The following FSIP1 variants were observed in gnomAD, a reference collection of about 807,000 sequenced individuals.
FSIP1 encodes fibrous sheath-interacting protein 1.
In FSIP1, 65 loss-of-function variants were observed where a neutral mutation model predicts 60.9. The observed-to-expected ratio is 1.07, with a 90% CI of 0.87 to 1.31. The LOEUF (loss-of-function observed/expected upper bound fraction) is 1.31. Ranked by LOEUF, FSIP1 falls within the 40% of genes most tolerant of loss-of-function variation. The pLI, the probability that FSIP1 is intolerant of heterozygous loss-of-function variation, is 0.00. For synonymous variants in FSIP1, 209 were observed against 221.2 expected, an observed-to-expected ratio of 0.94 and a Z score of 0.49; for missense variants, 675 against 665.5, an observed-to-expected ratio of 1.01 and a Z score of -0.16.
intron 5 of FSIP1, among the ~76,000 whole-genome samples, chr15:39,744,923 G>C (rs887695331): frequency 4.6e-5 from 7 of 152,052 alleles, no homozygotes; most frequent in Middle Eastern, 3.2e-3. Flanking sequence ...TTCCACCAGA[G>C]AGGATGTGGC....
At chr15:39,632,084 G>C (rs1891915555) in intron 10 of FSIP1, among the ~76,000 whole-genome samples, 1 of 152,200 alleles carries the variant, frequency 6.6e-6, no homozygotes, top group Non-Finnish European at 1.5e-5. Context: ...GTTCAATGTG[G>C]TGGTTGTCGG....
chr15:39,769,285 A>AG (rs1897801767), intron 3 of FSIP1, among the ~76,000 whole-genome samples: 1 of 152,074 alleles, frequency 6.6e-6, no homozygotes, highest in African/African-American at 2.4e-5. Flanking sequence ...TCTCAAAAAA[A>AG]AAAAAAAAAG....
chr15:39,607,296 C>T (rs780673784), intron 11 of FSIP1, among the ~76,000 whole-genome samples: 11 of 152,148 alleles, frequency 7.2e-5, no homozygotes, highest in South Asian at 2.1e-4. Flanking sequence ...TGGGTGAGTA[C>T]GTTTATTTTA....
intron 3 of FSIP1, among the ~76,000 whole-genome samples, chr15:39,767,666 C>T (rs890157639): frequency 6.6e-6 from 1 of 152,198 alleles, no homozygotes; most frequent in Middle Eastern, 3.2e-3. Flanking sequence ...CAGAGGAACA[C>T]ACCAGCAGAC....
chr15:39,611,916 G>C (rs1249745615), intron 11 of FSIP1, among the ~76,000 whole-genome samples: 1 of 152,082 alleles, frequency 6.6e-6, no homozygotes, highest in Non-Finnish European at 1.5e-5. Flanking sequence ...TACACAAAGA[G>C]ACAAAGAAGG....
At chr15:39,767,041 G>C (rs781579245) in intron 3 of FSIP1, among the ~76,000 whole-genome samples, 1 of 151,924 alleles carries the variant, frequency 6.6e-6, no homozygotes, top group Non-Finnish European at 1.5e-5. Context: ...TAGAGATGGG[G>C]GTCTCACTAT....
Position 39,774,844 on chromosome 15 carries a change from G to A in FSIP1, c.126+1555C>T, listed in dbSNP as rs1264758025. Reference sequence around the variant, plus strand: ...AGCTTTGTGGTTCTGAGGGACTTGTGGCAGTGGCGGAAGCAGCAGCAGCAA... The same window carrying A: ...AGCTTTGTGGTTCTGAGGGACTTGTAGCAGTGGCGGAAGCAGCAGCAGCAA... On this transcript the variant is annotated intron_variant, in intron 2 of 11. Coordinates refer to ENST00000350221, the MANE Select transcript of FSIP1 (RefSeq NM_152597.5). Among the ~76,000 whole-genome samples the A allele has an allele frequency of 2.0e-5, 3 of 152,162 alleles. No individual in the cohort carries two copies. The East Asian group carries it at 5.8e-4, about 29-fold the overall frequency.
At chr15:39,691,631 G>T (rs1461506545) in intron 10 of FSIP1, among the ~76,000 whole-genome samples, 1 of 152,238 alleles carries the variant, frequency 6.6e-6, no homozygotes, top group Non-Finnish European at 1.5e-5. Context: ...AAAGAAGAGA[G>T]ATCCTGATAA....
intron 10 of FSIP1, among the ~76,000 whole-genome samples, chr15:39,625,955 T>A (rs1595544931): frequency 6.6e-6 from 1 of 152,178 alleles, no homozygotes; most frequent in Admixed American, 6.5e-5. Flanking sequence ...TTTGCATGGG[T>A]GAAGGCCTTC....
intron 8 of FSIP1, among the ~76,000 whole-genome samples, chr15:39,730,315 G>A (rs1267398322): frequency 2.0e-5 from 3 of 152,080 alleles, no homozygotes; most frequent in Non-Finnish European, 4.4e-5. Flanking sequence ...TAGAGGCTTG[G>A]GATTAAATAA....
intron 11 of FSIP1, 124 bp downstream of exon 11, chr15:39,617,611 T>G: frequency 1.3e-6 from 1 of 771,426 alleles, no homozygotes; most frequent in Non-Finnish European, 2.1e-6. Context: ...TTGCATACTC[T>G]TATTGACGCT....
chr15:39,713,630 T>C (rs1053313173), intron 9 of FSIP1, 49 bp from the exon 10 acceptor site: 1 of 1,544,244 alleles, frequency 6.5e-7, no homozygotes, highest in Admixed American at 2.1e-5. Flanking sequence ...GGAAATGTGC[T>C]GTCACATACC....
chr15:39,655,710 A>C (rs1399917732), intron 10 of FSIP1, among the ~76,000 whole-genome samples: 5 of 152,170 alleles, frequency 3.3e-5, no homozygotes, highest in Admixed American at 2.0e-4. Context: ...CAACCTAGAG[A>C]AACCCCATCC....
intron 8 of FSIP1, among the ~76,000 whole-genome samples, chr15:39,735,700 ATTTG>A (rs1184641220): frequency 1.3e-5 from 2 of 152,198 alleles, no homozygotes; most frequent in Non-Finnish European, 2.9e-5. Flanking sequence ...AAACTTTTAA[ATTTG>A]TTTAACTTTT....
At chr15:39,630,941 A>G (rs1428976378) in intron 10 of FSIP1, among the ~76,000 whole-genome samples, 1 of 152,170 alleles carries the variant, frequency 6.6e-6, no homozygotes, top group Non-Finnish European at 1.5e-5. Flanking sequence ...TGTATAAACA[A>G]GAATCCCTCA....
At chr15:39,697,688 T>C (rs904277473) in intron 10 of FSIP1, among the ~76,000 whole-genome samples, 1 of 152,208 alleles carries the variant, frequency 6.6e-6, no homozygotes, top group Non-Finnish European at 1.5e-5. Flanking sequence ...TAGATAGACA[T>C]TGTGAATAAT....
intron 11 of FSIP1, among the ~76,000 whole-genome samples, chr15:39,606,665 C>A (rs369532958): frequency 6.6e-6 from 1 of 152,190 alleles, no homozygotes; most frequent in Non-Finnish European, 1.5e-5. Flanking sequence ...ACAGGTCCAA[C>A]GAGAAATTCC....
chr15:39,694,897 ATACT>A (rs1473238210), intron 10 of FSIP1, among the ~76,000 whole-genome samples: 3 of 152,236 alleles, frequency 2.0e-5, no homozygotes, highest in Non-Finnish European at 2.9e-5. Context: ...TATTAAAAAC[ATACT>A]TAATGTAAGT....
At chr15:39,721,965 G>A (rs1895999379) in intron 9 of FSIP1, among the ~76,000 whole-genome samples, 1 of 152,100 alleles carries the variant, frequency 6.6e-6, no homozygotes, top group Non-Finnish European at 1.5e-5. Context: ...GTAGGTCAGG[G>A]GCTCCTGACC....
Sources: allele counts gnomAD v4.1 joint callset (sites outside exome capture counted in the v4.1 genomes callset), GRCh38; gene constraint gnomAD v4.1.1; transcripts MANE v1.5; gene names NCBI Gene and HGNC (gene_info 2026-07-23, HGNC 2026-07-21).